The following ATM variants were observed in gnomAD, a reference collection of about 807,000 sequenced individuals.
The protein encoded by ATM is serine-protein kinase ATM.
ATM carries 308 observed loss-of-function variants against 387.0 expected under a neutral mutation model. The ratio of observed to expected loss-of-function variants is 0.80; its 90% confidence interval spans 0.73 to 0.87. ATM has a LOEUF of 0.87. Ranked by LOEUF, ATM falls within the 40% of genes least tolerant of loss-of-function variation. The pLI, the probability that ATM is intolerant of heterozygous loss-of-function variation, is 0.00. For synonymous variants in ATM, 1,156 were observed against 1,187.3 expected (o/e 0.97, Z 0.54); for missense variants, 3,312 against 3,560.9 (o/e 0.93, Z 1.78).
At position 108,257,484 on chromosome 11, in the gene ATM, C is replaced by T. The variant is rs756522395; in HGVS notation, c.2254C>T (p.Leu752=). 3.7e-6 allele frequency: 6 copies of T among 1,612,948 alleles called. No homozygotes were observed. The highest frequency in any genetic ancestry group is 4.5e-5 in the East Asian group (2 of 44,866). ...TTTTTCCTTCTATTCACAATAGTCT[C>T]TAATGCAATGTGCAGGAGAAAGTAT... ...KSELFQKAKS[L]MQCAGESITL... is the part of the protein sequence containing the mutation. Residue 752 remains leucine, a synonymous_variant, in exon 15 of 63, where the codon CTA becomes TTA. Transcript: ENST00000675843.
rs397514577 is a variant in ATM at position 108,317,374 on chromosome 11, C to A, written c.6200C>A (p.Ala2067Asp). ...SSTRQAGIIQ[A>D]LQNLGLCHIL... is the part of the protein sequence containing the mutation. ...AAAAACAAAATAACTCCTGTTTAGG[C>A]CTTGCAGAATTTGGGACTCTGCCAT... Residue 2067 changes from alanine to aspartate, a missense_variant and splice_region_variant, in exon 43 of 63, where the codon GCC (alanine) becomes GAC (aspartate). Transcript: ENST00000675843. 3.1e-6 allele frequency: 5 copies of A among 1,610,556 alleles called. No individual in the cohort carries two copies. Among genetic ancestry groups the A allele is most frequent in the Non-Finnish European group, 3.4e-6 (4 of 1,178,006 alleles).
chr11:108,365,734 C>T lies in ATM; in HGVS notation c.*226C>T. 1.7e-6 allele frequency: 1 copy of T among 605,954 alleles called. No individual in the cohort carries two copies. Among genetic ancestry groups the T allele is most frequent in the East Asian group, 3.2e-5 (1 of 31,560 alleles). The allele number at this position is 605,954 out of a possible 1,614,324, so 37.5% of individuals were successfully genotyped here. A position where few individuals can be genotyped will look rare whatever the true frequency, so the allele number is the denominator to read the frequency against. On this transcript the variant is annotated 3_prime_UTR_variant, in exon 63 of 63. Transcript: ENST00000675843. The stretch of plus-strand genomic sequence containing the variant: ...TCTTTAGAAATAATGGTCATTCGGG[C>T]TGGGCGCAGCGGCTCACGCCTGTAA...
At chr11:108,293,921 G>GTA (rs2082979851) in intron 31 of ATM, among the ~76,000 whole-genome samples, 1 of 128,382 alleles carries the variant, frequency 7.8e-6, no homozygotes, top group Non-Finnish European at 1.7e-5. Context: ...ATATATATAT[G>GTA]TGTGTGTATA....
intron 56 of ATM, among the ~76,000 whole-genome samples, chr11:108,338,771 G>A (rs2087137946): frequency 6.6e-6 from 1 of 152,124 alleles, no homozygotes; most frequent in Non-Finnish European, 1.5e-5. Context: ...CTATTTCTTA[G>A]AATTACGACA....
At chr11:108,228,896 A>G (rs766309259) in intron 3 of ATM, among the ~76,000 whole-genome samples, 2 of 152,232 alleles carry the variant, frequency 1.3e-5, no homozygotes, top group Middle Eastern at 3.2e-3. Flanking sequence ...GAGGGTCCTT[A>G]CTAGCATTGT....
chr11:108,365,915 G>C lies in ATM; in HGVS notation c.*407G>C, dbSNP rs1193391254. ...ATGGTGGCGGGCACCTGTAATCCCAGCTACTCGAGAGGCTGAGGCAGGAGA... is the reference window on the plus strand; with the variant it reads ...ATGGTGGCGGGCACCTGTAATCCCACCTACTCGAGAGGCTGAGGCAGGAGA... On this transcript the variant is annotated 3_prime_UTR_variant, in exon 63 of 63. Transcript: ENST00000675843. The C allele has an allele frequency of 5.2e-6, 1 of 191,126 alleles. No individual in the cohort carries two copies. Among genetic ancestry groups the C allele is most frequent in the Non-Finnish European group, 1.1e-5 (1 of 91,026 alleles). 11.8% of individuals were successfully genotyped at this position (191,126 alleles called of 1,614,324 possible).
intron 5 of ATM, among the ~76,000 whole-genome samples, chr11:108,243,468 C>T (rs1340153686): frequency 3.3e-5 from 5 of 152,028 alleles, no homozygotes; most frequent in African/African-American, 9.7e-5. Context: ...CAAAAATTAG[C>T]CAGGCATGGT....
intron 22 of ATM, among the ~76,000 whole-genome samples, chr11:108,275,134 C>T (rs2081867495): frequency 6.6e-6 from 1 of 152,126 alleles, no homozygotes; most frequent in Admixed American, 6.5e-5. Context: ...CCTTCTTTGT[C>T]TTTCTTGATC....
intron 6 of ATM, 66 bp from the exon 7 acceptor site, chr11:108,244,722 A>T: frequency 8.0e-7 from 1 of 1,256,666 alleles, no homozygotes; most frequent in Non-Finnish European, 1.2e-6. Context: ...ACCACTTCAT[A>T]ACTGTTCAGT....
chr11:108,235,814 TATCTC>T lies in ATM; in HGVS notation c.478_482del (p.Ser160AlafsTer23), dbSNP rs587780624. ...TCTGTGAGAAAATACTGGTGTGAAA[TATCTC>T]AGCAACAGTGGTTAGGTATGTTTTG... On this transcript the variant is annotated frameshift_variant, in exon 5 of 63. Transcript: ENST00000675843. LOFTEE classifies it high-confidence loss of function. The T allele has an allele frequency of 5.6e-6, 9 of 1,613,822 alleles. No individual in the cohort carries two copies. Among genetic ancestry groups the T allele is most frequent in the South Asian group, 1.1e-5 (1 of 91,078 alleles).
At chr11:108,300,696 T>C (rs2083383212) in intron 34 of ATM, among the ~76,000 whole-genome samples, 1 of 152,186 alleles carries the variant, frequency 6.6e-6, no homozygotes, top group African/African-American at 2.4e-5. Flanking sequence ...TTAAACAAAT[T>C]TGTATGGTTT....
rs2135548838 is a variant in ATM, at chr11:108,271,139, C to T, written c.2914C>T (p.Pro972Ser). Residue 972 changes from proline to serine, a missense_variant, in exon 19 of 63, where the codon CCA becomes TCA. Pro to Ser is a moderately conservative substitution (Grantham distance 74). Coordinates refer to ENST00000675843, the MANE Select transcript of ATM (RefSeq NM_000051.4). Reference protein sequence around the residue: ...PMEDVLELLKPLSNVCSLYRR... With the variant: ...PMEDVLELLKSLSNVCSLYRR... The stretch of plus-strand genomic sequence containing the variant: ...GGAAGATGTTCTTGAACTTCTGAAA[C>T]CACTATCGTAAGAAATTAAAACCTT... The T allele has an allele frequency of 6.2e-7, 1 of 1,613,876 alleles. No homozygotes were observed. The highest frequency in any genetic ancestry group is 8.5e-7 in the Non-Finnish European group (1 of 1,179,932).
chr11:108,344,650 G>A (rs186647940), intron 57 of ATM, among the ~76,000 whole-genome samples: 2 of 152,058 alleles, frequency 1.3e-5, no homozygotes, highest in African/African-American at 2.4e-5. Context: ...AGGGAGAATC[G>A]TGGGTAGAGA....
chr11:108,256,483 A>C lies in ATM; in HGVS notation c.2250+143A>C. The C allele has an allele frequency of 5.3e-6, 4 of 755,396 alleles. No individual in the cohort carries two copies. In the South Asian group the frequency reaches 7.6e-5, roughly 14 times the overall value. 46.8% of individuals were successfully genotyped at this position (755,396 alleles called of 1,614,324 possible). ...TATTTATGTAATGTGAGAAGAAATT[A>C]TACTATGTATTTTTTAAATTGTTTT... On this transcript the variant is annotated intron_variant, in intron 14 of 62. Transcript: ENST00000675843.
rs777434093 is a variant in ATM, at chr11:108,229,250, A to G, written c.258A>G (p.Thr86=). ...CAAAACCAAATGTATCAGCCTCAAC[A>G]CAAGCCTCCAGGCAGAAAAAGATGC... ...RIAKPNVSAS[T]QASRQKKMQE... Residue 86 remains threonine (T), a synonymous_variant, in exon 4 of 63, where the codon ACA becomes ACG. Coordinates refer to ENST00000675843, the MANE Select transcript of ATM (RefSeq NM_000051.4). The G allele has an allele frequency of 3.7e-6, 6 of 1,613,840 alleles. No homozygotes were observed. In the East Asian group the frequency reaches 8.9e-5, roughly 24 times the overall value.
chr11:108,280,375 A>G (rs902459942), intron 23 of ATM, among the ~76,000 whole-genome samples: 6 of 152,332 alleles, frequency 3.9e-5, no homozygotes, highest in Admixed American at 3.3e-4. Context: ...TCAACATTGT[A>G]TTACAGTTAC....
intron 61 of ATM, 103 bp from the exon 62 acceptor site, chr11:108,364,979 C>G: frequency 7.4e-7 from 1 of 1,356,034 alleles, no homozygotes; most frequent in Non-Finnish European, 1.0e-6. Flanking sequence ...CCCCCATCAA[C>G]TACCATGTGA....
intron 18 of ATM, among the ~76,000 whole-genome samples, chr11:108,269,065 C>T (rs555326781): frequency 6.6e-6 from 1 of 152,164 alleles, no homozygotes. Flanking sequence ...CACACACACT[C>T]ATACGCAGAT....
chr11:108,251,309 T>G (rs550693718), intron 10 of ATM, among the ~76,000 whole-genome samples: 17 of 152,356 alleles, frequency 1.1e-4, no homozygotes, highest in Admixed American at 7.2e-4. Context: ...AGTTAAAAAA[T>G]TTTTAATTGA....
Sources: allele counts gnomAD v4.1 joint callset (sites outside exome capture counted in the v4.1 genomes callset), GRCh38; gene constraint gnomAD v4.1.1; transcripts MANE v1.5; gene names NCBI Gene and HGNC (gene_info 2026-07-23, HGNC 2026-07-21).